Variants in TBL1XR1 observed in about 807,000 individuals in gnomAD.
TBL1XR1 encodes the protein TBL1X/Y related 1, also known as F-box-like/WD repeat-containing protein TBL1XR1.
In TBL1XR1, 5 loss-of-function variants were observed where a neutral mutation model predicts 66.9. The ratio of observed to expected loss-of-function variants is 0.07; its 90% confidence interval spans 0.04 to 0.16. TBL1XR1 has a LOEUF of 0.16. Among genes scored for constraint, TBL1XR1 ranks in the 10% least tolerant of loss-of-function variants. The pLI, the probability that TBL1XR1 is intolerant of heterozygous loss-of-function variation, is 1.00. For synonymous variants in TBL1XR1, 210 were observed against 206.0 expected (o/e 1.02, Z -0.17); for missense variants, 238 against 623.2 (o/e 0.38, Z 6.58).
At chr3:177,176,980 T>A (rs1473070125) in intron 1 of TBL1XR1, among the ~76,000 whole-genome samples, 1 of 152,030 alleles carries the variant, frequency 6.6e-6, no homozygotes, top group East Asian at 1.9e-4. Context: ...GCCATCTCAA[T>A]TTTTTGAAAA....
chr3:177,176,641 T>C (rs1160636909), intron 1 of TBL1XR1, among the ~76,000 whole-genome samples: 1 of 151,050 alleles, frequency 6.6e-6, no homozygotes, highest in Non-Finnish European at 1.5e-5. Flanking sequence ...GGAGAAACCC[T>C]CATCTCTATT....
At chr3:177,083,181 A>G (rs556579525) in intron 2 of TBL1XR1, among the ~76,000 whole-genome samples, 1 of 152,212 alleles carries the variant, frequency 6.6e-6, no homozygotes, top group African/African-American at 2.4e-5. Context: ...AGTGGAAACA[A>G]ACTCTTAATA....
intron 1 of TBL1XR1, among the ~76,000 whole-genome samples, chr3:177,169,996 A>G (rs939515340): frequency 2.0e-5 from 3 of 152,176 alleles, no homozygotes; most frequent in Non-Finnish European, 2.9e-5. Context: ...GGCAGGGTTG[A>G]GCAGTCTGTG....
intron 2 of TBL1XR1, among the ~76,000 whole-genome samples, chr3:177,069,993 C>A (rs1474918668): frequency 1.3e-5 from 2 of 152,122 alleles, no homozygotes; most frequent in Non-Finnish European, 2.9e-5. Flanking sequence ...ATTTGTATAG[C>A]CCACAGGTAA....
intron 14 of TBL1XR1, among the ~76,000 whole-genome samples, chr3:177,032,119 G>A (rs1714089943): frequency 6.6e-6 from 1 of 152,162 alleles, no homozygotes; most frequent in African/African-American, 2.4e-5. Context: ...CAGCAGTAGT[G>A]TAAAATGGAA....
At chr3:177,102,642 T>G (rs1245918784) in intron 1 of TBL1XR1, among the ~76,000 whole-genome samples, 1 of 152,194 alleles carries the variant, frequency 6.6e-6, no homozygotes, top group Non-Finnish European at 1.5e-5. Flanking sequence ...CTATCTGCAT[T>G]TCTACTTTTA....
chr3:177,119,542 C>T (rs1282687984), intron 1 of TBL1XR1, among the ~76,000 whole-genome samples: 1 of 152,174 alleles, frequency 6.6e-6, no homozygotes, highest in Non-Finnish European at 1.5e-5. Flanking sequence ...TATTCATATA[C>T]TGTCTTTGTT....
At chr3:177,126,275 CAGG>C (rs71716429) in intron 1 of TBL1XR1, among the ~76,000 whole-genome samples, 10,708 of 152,230 alleles carry the variant, frequency 0.07, 418 homozygotes, top group Middle Eastern at 0.095. Context: ...AACAAGTTAG[CAGG>C]AGATGTTGAT....
intron 1 of TBL1XR1, among the ~76,000 whole-genome samples, chr3:177,177,579 T>C (rs1734311661): frequency 6.6e-6 from 1 of 152,246 alleles, no homozygotes; most frequent in African/African-American, 2.4e-5. Context: ...TCGATTGCCA[T>C]CTTTAAGTAT....
intron 1 of TBL1XR1, among the ~76,000 whole-genome samples, chr3:177,157,347 T>A (rs1399448545): frequency 6.6e-6 from 1 of 152,238 alleles, no homozygotes; most frequent in Non-Finnish European, 1.5e-5. Context: ...CCAAGAAATG[T>A]GTGCATCTGA....
intron 10 of TBL1XR1, chr3:177,041,170 C>CT (rs1436033041): frequency 6.6e-6 from 1 of 152,202 alleles, no homozygotes; most frequent in Non-Finnish European, 1.5e-5. Context: ...GCCCATAAGC[C>CT]TTTTTGCCTG....
intron 1 of TBL1XR1, among the ~76,000 whole-genome samples, chr3:177,140,057 CT>C (rs941108890): frequency 7.2e-5 from 11 of 152,198 alleles, no homozygotes; most frequent in African/African-American, 2.7e-4. Context: ...AATCCCAGCA[CT>C]TTGGGAGGCC....
chr3:177,065,240 C>G (rs1470641645), intron 2 of TBL1XR1, among the ~76,000 whole-genome samples: 2 of 151,848 alleles, frequency 1.3e-5, no homozygotes, highest in African/African-American at 4.8e-5. Context: ...AACATACTGG[C>G]AAAAATAAAA....
intron 1 of TBL1XR1, among the ~76,000 whole-genome samples, chr3:177,145,701 C>G (rs1232159054): frequency 6.6e-6 from 1 of 152,216 alleles, no homozygotes; most frequent in Non-Finnish European, 1.5e-5. Flanking sequence ...ACCAATGTGG[C>G]ACATTTGTCA....
At chr3:177,123,417 T>A (rs1727225086) in intron 1 of TBL1XR1, among the ~76,000 whole-genome samples, 1 of 152,048 alleles carries the variant, frequency 6.6e-6, no homozygotes, top group Admixed American at 6.6e-5. Context: ...CCAAAGAGAT[T>A]CAGACTATGC....
rs1712437570 is a variant in TBL1XR1, at chr3:177,021,972, G to C, written c.*3526C>G. 6.6e-6 allele frequency: 1 copy of C among 152,482 alleles called. No individual in the cohort carries two copies. Among genetic ancestry groups the C allele is most frequent in the African/African-American group, 2.4e-5 (1 of 41,400 alleles). 9.4% of individuals were successfully genotyped at this position (152,482 alleles called of 1,614,324 possible). A position where few individuals can be genotyped will look rare whatever the true frequency, so the allele number is the denominator to read the frequency against. On this transcript the variant is annotated 3_prime_UTR_variant, in exon 16 of 16. Transcript: ENST00000457928. ...TTTGCTCACTTAAGTATGATCATTT[G>C]TGATTCCTTTAAATAGCAAAAATGC...
chr3:177,163,776 C>A (rs1314600625), intron 1 of TBL1XR1, among the ~76,000 whole-genome samples: 1 of 152,080 alleles, frequency 6.6e-6, no homozygotes, highest in Admixed American at 6.6e-5. Context: ...GAATTTTGAA[C>A]AACGTGAATA....
intron 1 of TBL1XR1, among the ~76,000 whole-genome samples, chr3:177,142,330 T>TACCTACTCTTAATTAC (rs1472640785): frequency 6.6e-6 from 1 of 152,240 alleles, no homozygotes; most frequent in South Asian, 2.1e-4. Flanking sequence ...GTCACATTTA[T>TACCTACTCTTAATTAC]ACCTACTCTT....
At chr3:177,156,926 G>C (rs1197702247) in intron 1 of TBL1XR1, among the ~76,000 whole-genome samples, 1 of 152,184 alleles carries the variant, frequency 6.6e-6, no homozygotes, top group Non-Finnish European at 1.5e-5. Context: ...TTCTACTCTT[G>C]CTAGATGATG....
Sources: gnomAD v4.1 joint callset for allele counts (sites outside exome capture counted in the v4.1 genomes callset) on GRCh38, gnomAD v4.1.1 for gene constraint, MANE v1.5 for transcripts, NCBI Gene and HGNC (gene_info 2026-07-23, HGNC 2026-07-21) for gene names.